The following STAU1 variants were observed in gnomAD, a reference collection of about 807,000 sequenced individuals.
The protein encoded by STAU1 is staufen double-stranded RNA binding protein 1, also known as double-stranded RNA-binding protein Staufen homolog 1.
STAU1 carries 13 observed loss-of-function variants against 62.9 expected under a neutral mutation model. The observed-to-expected ratio is 0.21, with a 90% CI of 0.13 to 0.33. The LOEUF (loss-of-function observed/expected upper bound fraction) is 0.33. Among genes scored for constraint, STAU1 ranks in the 10% least tolerant of loss-of-function variants. The probability of loss-of-function intolerance (pLI) is 1.00; values close to 1 mark genes in which losing one functional copy is unlikely to be tolerated. For synonymous variants in STAU1, 269 were observed against 265.1 expected (o/e 1.01, Z -0.14); for missense variants, 571 against 712.1 (o/e 0.80, Z 2.25).
intron 3 of STAU1, among the ~76,000 whole-genome samples, chr20:49,157,216 T>G (rs774742621): frequency 5.6e-4 from 85 of 152,276 alleles, no homozygotes; most frequent in Non-Finnish European, 8.2e-4. Flanking sequence ...AAAGATATTT[T>G]GCAAACTTGA....
At chr20:49,190,492 C>T (rs1460024576), upstream of STAU1, among the ~76,000 whole-genome samples, 1 of 152,086 alleles carries the variant, frequency 6.6e-6, no homozygotes. Context: ...CTAAGTTGCC[C>T]AGGGTCTTAC....
chr20:49,217,360 C>CCCAG, the STAU1 span, among the ~76,000 whole-genome samples: 1 of 152,010 alleles, frequency 6.6e-6, no homozygotes, highest in Non-Finnish European at 1.5e-5. Context: ...GGAGTCCCAC[C>CCCAG]CCAGGTACAT....
intron 9 of STAU1, among the ~76,000 whole-genome samples, chr20:49,119,683 T>C (rs543089353): frequency 6.6e-6 from 1 of 152,322 alleles, no homozygotes; most frequent in Non-Finnish European, 1.5e-5. Flanking sequence ...ATTTCAGTCC[T>C]AATTACCCTT....
chr20:49,150,518 C>A (rs1176968814), intron 5 of STAU1, among the ~76,000 whole-genome samples: 3 of 152,042 alleles, frequency 2.0e-5, no homozygotes, highest in Non-Finnish European at 4.4e-5. Flanking sequence ...CCCACCACCA[C>A]GCCCGGCGAA....
chr20:49,215,542 A>T, the STAU1 span, among the ~76,000 whole-genome samples: 1 of 152,208 alleles, frequency 6.6e-6, no homozygotes, highest in Non-Finnish European at 1.5e-5. Context: ...TACAGTGTCC[A>T]CAGCAGAGCT....
rs149311084 is a variant in STAU1, at chr20:49,166,202, G to A, written c.-1C>T. 79 of 1,613,802 alleles carry A rather than the reference G, an allele frequency of 4.9e-5. No homozygotes were observed. The highest frequency in any genetic ancestry group is 1.6e-4 in the Middle Eastern group (1 of 6,074). ...GAACTTGCACTTGAACTTGAGACAT[G>A]GTCACTTTCAACAAAAGTGAACAAA... On this transcript the variant is annotated 5_prime_UTR_variant, in exon 3 of 14. Transcript: ENST00000371856.
At chr20:49,131,569 G>A (rs1318812167) in intron 6 of STAU1, among the ~76,000 whole-genome samples, 1 of 152,140 alleles carries the variant, frequency 6.6e-6, no homozygotes. Flanking sequence ...CAGGCTGGGT[G>A]CAGTGGCTCA....
intron 6 of STAU1, among the ~76,000 whole-genome samples, chr20:49,127,830 T>C: frequency 6.6e-6 from 1 of 150,428 alleles, no homozygotes; most frequent in Non-Finnish European, 1.5e-5. Flanking sequence ...CTGGGCAACA[T>C]GGCAAAACCC....
At chr20:49,182,350 C>G (rs1046394617) in intron 1 of STAU1, among the ~76,000 whole-genome samples, 5 of 152,194 alleles carry the variant, frequency 3.3e-5, no homozygotes, top group African/African-American at 1.2e-4. Flanking sequence ...CTTTTCTCTG[C>G]AGTAAGGTTT....
chr20:49,136,057 T>G, intron 5 of STAU1, 126 bp from the exon 6 acceptor site: 1 of 674,534 alleles, frequency 1.5e-6, no homozygotes, highest in Non-Finnish European at 2.5e-6. Context: ...CCCAGGAGTC[T>G]GAGACCAGCC....
At chr20:49,183,805 G>A (rs966031194) in intron 1 of STAU1, among the ~76,000 whole-genome samples, 1 of 152,002 alleles carries the variant, frequency 6.6e-6, no homozygotes, top group African/African-American at 2.4e-5. Context: ...ACTAACACAC[G>A]CTTATTGATA....
chr20:49,175,943 C>T (rs2093655431), intron 1 of STAU1, among the ~76,000 whole-genome samples: 1 of 151,960 alleles, frequency 6.6e-6, no homozygotes, highest in Non-Finnish European at 1.5e-5. Context: ...TACAGGCGCC[C>T]GCCACCTCGC....
chr20:49,142,163 T>C (rs1191681750), intron 5 of STAU1, among the ~76,000 whole-genome samples: 1 of 152,202 alleles, frequency 6.6e-6, no homozygotes, highest in Admixed American at 6.5e-5. Context: ...CTTGGCTCAC[T>C]GCAACCTCCG....
chr20:49,122,336 C>T (rs1489532367), intron 8 of STAU1, among the ~76,000 whole-genome samples: 5 of 152,120 alleles, frequency 3.3e-5, no homozygotes, highest in Non-Finnish European at 1.5e-5. Flanking sequence ...TCTCTTGATA[C>T]TACTTACAAA....
chr20:49,204,609 TATATATATA>T, the STAU1 span, among the ~76,000 whole-genome samples: 1 of 66,194 alleles, frequency 1.5e-5, no homozygotes, highest in Non-Finnish European at 3.1e-5. Flanking sequence ...TATATATATA[TATATATATA>T]TATATGTGTA....
At chr20:49,179,271 AAGT>A (rs2093696747) in intron 1 of STAU1, 1 of 152,036 alleles carries the variant, frequency 6.6e-6, no homozygotes. Context: ...AGAAGATAAA[AAGT>A]AGCAAATTAT....
chr20:49,163,418 CCTTTTTTTT>C (rs1336885762), intron 3 of STAU1, among the ~76,000 whole-genome samples: 1 of 119,536 alleles, frequency 8.4e-6, no homozygotes, highest in African/African-American at 3.2e-5. Flanking sequence ...AGTGTTTAAA[CCTTTTTTTT>C]TTTTTTTTTT....
chr20:49,181,850 G>A (rs182986931), intron 1 of STAU1, among the ~76,000 whole-genome samples: 1 of 148,496 alleles, frequency 6.7e-6, no homozygotes, highest in African/African-American at 2.5e-5. Context: ...TCATTCAGGG[G>A]AAAAGACCCC....
chr20:49,124,559 A>T lies in STAU1; in HGVS notation c.638T>A (p.Met213Lys). The change falls in exon 7 of 14, where the codon ATG (methionine) becomes AAG (lysine). Residue 213 changes from methionine to lysine, a missense_variant. Physicochemically the swap from Met to Lys is moderately conservative, Grantham distance 95. Transcript: ENST00000371856. ...EVARESGPPH[M>K]KNFVTKVSVG... is the part of the protein sequence containing the mutation. ...CGAAACCTTGGTCACAAAGTTCTTC[A>T]TGTGGGGTGGGCCACTCTCCCGGGC... The T allele has an allele frequency of 6.2e-7, 1 of 1,613,908 alleles. No individual in the cohort carries two copies. The highest frequency in any genetic ancestry group is 8.5e-7 in the Non-Finnish European group (1 of 1,180,010).
Sources: allele counts gnomAD v4.1 joint callset (sites outside exome capture counted in the v4.1 genomes callset), GRCh38; gene constraint gnomAD v4.1.1; transcripts MANE v1.5; gene names NCBI Gene and HGNC (gene_info 2026-07-23, HGNC 2026-07-21).